The following FEM1A variants were observed in gnomAD, a reference collection of about 807,000 sequenced individuals.
FEM1A encodes fem-1 homolog A.
FEM1A carries 1 observed loss-of-function variant against 0.7 expected under a neutral mutation model. The observed-to-expected ratio is 1.35, with a 90% confidence interval of 0.48 to 6.40. The LOEUF is 6.40. Ranked by LOEUF, FEM1A falls within the 30% of genes most tolerant of loss-of-function variation. FEM1A has a pLI of 0.14. For missense variants in FEM1A, 721 were observed against 918.7 expected, an observed-to-expected ratio of 0.78 and a Z score of 2.78; for synonymous variants, 391 against 420.6, an observed-to-expected ratio of 0.93 and a Z score of 0.86.
chr19:4,794,890 C>T lies in FEM1A; in HGVS notation c.*1026C>T, dbSNP rs1319251552. On this transcript the variant is annotated 3_prime_UTR_variant, in exon 1 of 1. Coordinates refer to ENST00000269856, the MANE Select transcript of FEM1A (RefSeq NM_018708.3). ...AACTGGCACAATTGGTTTGGGTCTGCATTGCCATAGTGCCCGAGTTAAAAC... is the reference window on the plus strand; with the variant it reads ...AACTGGCACAATTGGTTTGGGTCTGTATTGCCATAGTGCCCGAGTTAAAAC... 1 of 165,762 alleles carries T rather than the reference C, an allele frequency of 6.0e-6. No individual in the cohort carries two copies. The highest frequency in any genetic ancestry group is 2.4e-5 in the African/African-American group (1 of 40,960). 10.3% of individuals were successfully genotyped at this position (165,762 alleles called of 1,614,324 possible). A position where few individuals can be genotyped will look rare whatever the true frequency, so the allele number is the denominator to read the frequency against.
At position 4,792,807 on chromosome 19, in the gene FEM1A, C is replaced by T. The variant is rs778651262; in HGVS notation, c.953C>T (p.Ala318Val). The T allele has an allele frequency of 6.2e-7, 1 of 1,612,186 alleles. No homozygotes were observed. Among genetic ancestry groups the T allele is most frequent in the South Asian group, 1.1e-5 (1 of 91,006 alleles). The change falls in exon 1 of 1, where the codon GCC (alanine) becomes GTC (valine). Residue 318 changes from alanine to valine, a missense_variant. Around this residue, in one of 4 missense-constraint regions of FEM1A, gnomAD observed 379 missense variants for 454.8 expected, o/e 0.83. Coordinates refer to ENST00000269856, the MANE Select transcript of FEM1A (RefSeq NM_018708.3). The surrounding 1 kb of genome is among the most constrained non-coding windows in gnomAD (Gnocchi z 6.7). ...YVDKKRDLLG[A>V]LKHWRRAMEL... Reference sequence around the variant, plus strand: ...GATAAGAAACGAGATCTGCTTGGGGCCCTTAAACACTGGAGGCGGGCCATG... The same window carrying T: ...GATAAGAAACGAGATCTGCTTGGGGTCCTTAAACACTGGAGGCGGGCCATG...
In FEM1A at chr19:4,797,289, G is replaced by A. The variant is rs1450942491; in HGVS notation, c.*3425G>A. 6.7e-6 allele frequency: 1 copy of A among 150,198 alleles called. No homozygotes were observed. Among genetic ancestry groups the A allele is most frequent in the Non-Finnish European group, 1.5e-5 (1 of 67,860 alleles). 9.3% of individuals were successfully genotyped at this position (150,198 alleles called of 1,614,324 possible). A position where few individuals can be genotyped will look rare whatever the true frequency, so the allele number is the denominator to read the frequency against. On this transcript the variant is annotated 3_prime_UTR_variant, in exon 1 of 1. Coordinates refer to ENST00000269856, the MANE Select transcript of FEM1A (RefSeq NM_018708.3). ...CCATTCTCCTGCCTCAGCCTCCCGA[G>A]TAGCTGGGACTACAGGCACCTGCCA...
In FEM1A at chr19:4,793,082, A is replaced by G. The variant is rs2093556598; in HGVS notation, c.1228A>G (p.Ile410Val). 6.2e-7 allele frequency: 1 copy of G among 1,613,616 alleles called. No homozygotes were observed. Residue 410 changes from isoleucine (I) to valine (V), a missense_variant, in exon 1 of 1, where the codon ATC (isoleucine) becomes GTC (valine). Transcript: ENST00000269856. The surrounding 1 kb of genome is among the most constrained non-coding windows in gnomAD (Gnocchi z 5.1). ...YADSGNFERC[I>V]RLWKYALDMQ... ...CGACTCGGGCAATTTCGAGCGCTGC[A>G]TCCGCTTGTGGAAGTACGCCCTGGA...
Position 4,793,895 on chromosome 19 carries a change from C to G in FEM1A, c.*31C>G, listed in dbSNP as rs182117088. 60 of 1,566,212 alleles carry G rather than the reference C, an allele frequency of 3.8e-5. No individual in the cohort carries two copies. The highest frequency in any genetic ancestry group is 1.7e-5 in the Non-Finnish European group (20 of 1,155,970). On this transcript the variant is annotated 3_prime_UTR_variant, in exon 1 of 1. Coordinates refer to ENST00000269856, the MANE Select transcript of FEM1A (RefSeq NM_018708.3). This position sits in a 1 kb window ranked among gnomAD's most constrained non-coding sequence, Gnocchi z 5.1. ...CCAGAACGCCTGCACCCTCACCTCT[C>G]CCCTCTCCTGCTGAGATGGGGGAAA...
rs565007489 is a variant in FEM1A, at chr19:4,799,864, C to T, written c.*6000C>T. The T allele has an allele frequency of 7.9e-6, 1 of 127,018 alleles. No individual in the cohort carries two copies. Among genetic ancestry groups the T allele is most frequent in the East Asian group, 2.3e-4 (1 of 4,306 alleles). The allele number at this position is 127,018 out of a possible 1,614,324, so 7.9% of individuals were successfully genotyped here. A position where few individuals can be genotyped will look rare whatever the true frequency, so the allele number is the denominator to read the frequency against. ...GAGTTACAGTGAGCCGAGATCGCGC[C>T]ACTGCACTCCAGCCTGGGTGACATA... On this transcript the variant is annotated 3_prime_UTR_variant, in exon 1 of 1. Coordinates refer to ENST00000269856, the MANE Select transcript of FEM1A (RefSeq NM_018708.3).
In FEM1A at chr19:4,793,468, T is replaced by C. The variant is rs1600034987; in HGVS notation, c.1614T>C (p.Pro538=). 3 of 1,612,506 alleles carry C rather than the reference T, an allele frequency of 1.9e-6. No individual in the cohort carries two copies. In the East Asian group the frequency reaches 6.7e-5, roughly 36 times the overall value. The change falls in exon 1 of 1, where the codon CCT becomes CCC. Residue 538 remains proline (P), a synonymous_variant. Coordinates refer to ENST00000269856, the MANE Select transcript of FEM1A (RefSeq NM_018708.3). This position sits in a 1 kb window ranked among gnomAD's most constrained non-coding sequence, Gnocchi z 5.1. ...CCAGGGGCAAGAACGGCTTCACCCC[T>C]CTGCACATGGCTGTGGACAAGGACA... The part of the protein sequence containing the change: ...CAPRGKNGFT[P]LHMAVDKDTT...
Position 4,792,598 on chromosome 19 carries a change from G to A in FEM1A, c.744G>A (p.Glu248=). ...GCCAGGAGCAGGTCGCAGGGGGAGAGGCTCAGCCTGGGCTGCCCCAAGAAG... is the reference window on the plus strand; with the variant it reads ...GCCAGGAGCAGGTCGCAGGGGGAGAAGCTCAGCCTGGGCTGCCCCAAGAAG... ...QPGQEQVAGG[E]AQPGLPQEDP... is the part of the protein sequence containing the mutation. Residue 248 remains glutamate (E), a synonymous_variant, in exon 1 of 1, where the codon GAG becomes GAA. Coordinates refer to ENST00000269856, the MANE Select transcript of FEM1A (RefSeq NM_018708.3). The surrounding 1 kb of genome is among the most constrained non-coding windows in gnomAD (Gnocchi z 6.7). 1.2e-6 allele frequency: 2 copies of A among 1,610,684 alleles called. No individual in the cohort carries two copies. The highest frequency in any genetic ancestry group is 1.1e-5 in the South Asian group (1 of 90,988).
rs4375784 is a variant in FEM1A, at chr19:4,798,092, G to A, written c.*4228G>A. 1 of 106,956 alleles carries A rather than the reference G, an allele frequency of 9.3e-6. No homozygotes were observed. Among genetic ancestry groups the A allele is most frequent in the Non-Finnish European group, 2.2e-5 (1 of 45,904 alleles). 6.6% of individuals were successfully genotyped at this position (106,956 alleles called of 1,614,324 possible). A position where few individuals can be genotyped will look rare whatever the true frequency, so the allele number is the denominator to read the frequency against. On this transcript the variant is annotated 3_prime_UTR_variant, in exon 1 of 1. Transcript: ENST00000269856. ...TACTAAAAATACAAAAATTAGCCGG[G>A]TGTGGTGGCAGGTGCCTGTAGTCCC...
chr19:4,799,494 G>C lies in FEM1A; in HGVS notation c.*5630G>C, dbSNP rs1425373736. The C allele has an allele frequency of 6.5e-6, 1 of 152,900 alleles. No individual in the cohort carries two copies. Among genetic ancestry groups the C allele is most frequent in the African/African-American group, 2.4e-5 (1 of 41,430 alleles). The allele number at this position is 152,900 out of a possible 1,614,324, so 9.5% of individuals were successfully genotyped here. A position where few individuals can be genotyped will look rare whatever the true frequency, so the allele number is the denominator to read the frequency against. On this transcript the variant is annotated 3_prime_UTR_variant, in exon 1 of 1. Coordinates refer to ENST00000269856, the MANE Select transcript of FEM1A (RefSeq NM_018708.3). ...ATACGCTCTGATTGGACCAGCCTGGGTCCCATGTTCTTCCATGACCCAATC... is the reference window on the plus strand; with the variant it reads ...ATACGCTCTGATTGGACCAGCCTGGCTCCCATGTTCTTCCATGACCCAATC...
In FEM1A at chr19:4,793,540, CG is replaced by C; in HGVS notation, c.1687del (p.Val563TrpfsTer25). 6.2e-7 allele frequency: 1 copy of C among 1,613,116 alleles called. No individual in the cohort carries two copies. The highest frequency in any genetic ancestry group is 8.5e-7 in the Non-Finnish European group (1 of 1,179,852). On this transcript the variant is annotated frameshift_variant, in exon 1 of 1. Coordinates refer to ENST00000269856, the MANE Select transcript of FEM1A (RefSeq NM_018708.3). LOFTEE classifies it low-confidence loss of function (END_TRUNC). The surrounding 1 kb of genome is among the most constrained non-coding windows in gnomAD (Gnocchi z 5.1). ...CCGTGGGCAGATTCCCCTCCCTGCACGTGGTCAAAGTGCTGCTCGACTGCGG... is the reference window on the plus strand; with the variant it reads ...CCGTGGGCAGATTCCCCTCCCTGCACTGGTCAAAGTGCTGCTCGACTGCGG... ...YPVGRFPSLHVVKVLLDCGAD... is the reference protein window; with the variant it reads ...YPVGRFPSLHXVKVLLDCGAD...
rs778000291 is a variant in FEM1A, at chr19:4,793,425, G to A, written c.1571G>A (p.Arg524His). ...CACCTGAAGCACCAGACCGTCTACC[G>A]CCTGCTCAAGTGCGCGCCCAGGGGC... ...QEHLKHQTVY[R>H]LLKCAPRGKN... Residue 524 changes from arginine to histidine, a missense_variant, in exon 1 of 1, where the codon CGC (arginine) becomes CAC (histidine). Physicochemically the swap from Arg to His is conservative, Grantham distance 29. Around this residue, in one of 4 missense-constraint regions of FEM1A, gnomAD observed 379 missense variants for 454.8 expected, o/e 0.83. Transcript: ENST00000269856. This position sits in a 1 kb window ranked among gnomAD's most constrained non-coding sequence, Gnocchi z 5.1. 1.8e-5 allele frequency: 29 copies of A among 1,612,164 alleles called. No homozygotes were observed. The South Asian group carries it at 1.9e-4, about 10-fold the overall frequency.
chr19:4,792,609 G>A lies in FEM1A; in HGVS notation c.755G>A (p.Gly252Glu), dbSNP rs1441511554. 1 of 1,611,270 alleles carries A rather than the reference G, an allele frequency of 6.2e-7. No individual in the cohort carries two copies. The highest frequency in any genetic ancestry group is 2.2e-5 in the East Asian group (1 of 44,882). Reference sequence around the variant, plus strand: ...GTCGCAGGGGGAGAGGCTCAGCCTGGGCTGCCCCAAGAAGACCCCTCCACC... The same window carrying A: ...GTCGCAGGGGGAGAGGCTCAGCCTGAGCTGCCCCAAGAAGACCCCTCCACC... ...EQVAGGEAQP[G>E]LPQEDPSTSQ... The change falls in exon 1 of 1, where the codon GGG becomes GAG. Residue 252 changes from glycine to glutamate, a missense_variant. Gly to Glu is a moderately conservative substitution (Grantham distance 98). Transcript: ENST00000269856. The surrounding 1 kb of genome is among the most constrained non-coding windows in gnomAD (Gnocchi z 6.7).
In FEM1A at chr19:4,792,004, C is replaced by T. The variant is rs752584330; in HGVS notation, c.150C>T (p.Arg50=). 76 of 1,535,568 alleles carry T rather than the reference C, an allele frequency of 4.9e-5. 1 individual carries two copies. In the South Asian group the frequency reaches 8.2e-4, roughly 17 times the overall value. Residue 50 remains arginine, a synonymous_variant, in exon 1 of 1, where the codon CGC becomes CGT. Coordinates refer to ENST00000269856, the MANE Select transcript of FEM1A (RefSeq NM_018708.3). The surrounding 1 kb of genome is among the most constrained non-coding windows in gnomAD (Gnocchi z 6.7). ...GGGTPLLIAA[R]YGHLDVVEYL... ...GAACGCCGCTACTCATCGCCGCCCGCTACGGCCACCTGGACGTGGTGGAGT... is the reference window on the plus strand; with the variant it reads ...GAACGCCGCTACTCATCGCCGCCCGTTACGGCCACCTGGACGTGGTGGAGT...
chr19:4,799,694 C>A lies in FEM1A; in HGVS notation c.*5830C>A, dbSNP rs2093565888. The A allele has an allele frequency of 6.6e-6, 1 of 151,744 alleles. No individual in the cohort carries two copies. Among genetic ancestry groups the A allele is most frequent in the South Asian group, 2.1e-4 (1 of 4,818 alleles). 9.4% of individuals were successfully genotyped at this position (151,744 alleles called of 1,614,324 possible). On this transcript the variant is annotated 3_prime_UTR_variant, in exon 1 of 1. Transcript: ENST00000269856. ...GGCCGAGGCGGGCGGATCACGAGGT[C>A]AGGAGATCAAGACCATCCTGGCTAA...
chr19:4,793,621 C>T lies in FEM1A; in HGVS notation c.1767C>T (p.Ala589=). 6.2e-7 allele frequency: 1 copy of T among 1,612,790 alleles called. No homozygotes were observed. Among genetic ancestry groups the T allele is most frequent in the Non-Finnish European group, 8.5e-7 (1 of 1,179,844 alleles). Residue 589 remains alanine, a synonymous_variant, in exon 1 of 1, where the codon GCC becomes GCT. Transcript: ENST00000269856. The surrounding 1 kb of genome is among the most constrained non-coding windows in gnomAD (Gnocchi z 5.1). ...FDNNTPLHIA[A]QNNCPAIMNA... Reference sequence around the variant, plus strand: ...ACAACACCCCGCTACACATAGCAGCCCAGAACAACTGCCCGGCCATCATGA... The same window carrying T: ...ACAACACCCCGCTACACATAGCAGCTCAGAACAACTGCCCGGCCATCATGA...
At position 4,799,788 on chromosome 19, in the gene FEM1A, C is replaced by T. The variant is rs1329643953; in HGVS notation, c.*5924C>T. ...GGGCGTCGTGGCAGGCGCCTGTAGTCCCAGTTACTCGGGAGGCTGAGGCAG... is the reference window on the plus strand; with the variant it reads ...GGGCGTCGTGGCAGGCGCCTGTAGTTCCAGTTACTCGGGAGGCTGAGGCAG... On this transcript the variant is annotated 3_prime_UTR_variant, in exon 1 of 1. Transcript: ENST00000269856. The T allele has an allele frequency of 6.6e-6, 1 of 151,566 alleles. No homozygotes were observed. Among genetic ancestry groups the T allele is most frequent in the Non-Finnish European group, 1.5e-5 (1 of 68,022 alleles). The allele number at this position is 151,566 out of a possible 1,614,324, so 9.4% of individuals were successfully genotyped here.
At position 4,792,126 on chromosome 19, in the gene FEM1A, C is replaced by G; in HGVS notation, c.272C>G (p.Ser91Cys). 1.3e-6 allele frequency: 2 copies of G among 1,520,470 alleles called. No homozygotes were observed. The highest frequency in any genetic ancestry group is 2.4e-5 in the South Asian group (2 of 83,102). The allele number at this position is 1,520,470 out of a possible 1,614,324, so 94.2% of individuals were successfully genotyped here. A position where few individuals can be genotyped will look rare whatever the true frequency, so the allele number is the denominator to read the frequency against. The change falls in exon 1 of 1, where the codon TCC becomes TGC. Residue 91 changes from serine (S) to cysteine (C), a missense_variant. Ser to Cys is a moderately radical substitution (Grantham distance 112). Transcript: ENST00000269856. The surrounding 1 kb of genome is among the most constrained non-coding windows in gnomAD (Gnocchi z 6.7). ...GGCGCGCCGCCGCTGTGGGCCGCCT[C>G]CGCAGCCGGCCACCTGGACGTGGTG... ...IEGAPPLWAA[S>C]AAGHLDVVRS... is the part of the protein sequence containing the mutation.
chr19:4,792,427 C>T lies in FEM1A; in HGVS notation c.573C>T (p.Ala191=). ...GCAACACGGCCCTGCATGACTGCGC[C>T]GAGTCCGGCAGCCTGGAGATCCTGC... is the stretch of plus-strand genomic sequence containing the variant. ...AKGNTALHDC[A]ESGSLEILQL... is the part of the protein sequence containing the mutation. The change falls in exon 1 of 1, where the codon GCC becomes GCT. Residue 191 remains alanine (A), a synonymous_variant. Coordinates refer to ENST00000269856, the MANE Select transcript of FEM1A (RefSeq NM_018708.3). This position sits in a 1 kb window ranked among gnomAD's most constrained non-coding sequence, Gnocchi z 6.7. The T allele has an allele frequency of 6.3e-7, 1 of 1,596,024 alleles. No individual in the cohort carries two copies.
rs753923323 is a variant in FEM1A, at chr19:4,792,627, C to G, written c.773C>G (p.Pro258Arg). 3.1e-6 allele frequency: 5 copies of G among 1,611,856 alleles called. No homozygotes were observed. In the South Asian group the frequency reaches 5.5e-5, roughly 18 times the overall value. Residue 258 changes from proline to arginine, a missense_variant, in exon 1 of 1, where the codon CCC (proline) becomes CGC (arginine). By Grantham distance (103) the Pro-to-Arg change is moderately radical. This residue lies in a region of FEM1A where 137 missense variants were observed against 121.7 expected (regional missense o/e 1.13). Coordinates refer to ENST00000269856, the MANE Select transcript of FEM1A (RefSeq NM_018708.3). The surrounding 1 kb of genome is among the most constrained non-coding windows in gnomAD (Gnocchi z 6.7). ...CAGCCTGGGCTGCCCCAAGAAGACCCCTCCACCAGCCAGGGGTGTGCGCAG... is the reference window on the plus strand; with the variant it reads ...CAGCCTGGGCTGCCCCAAGAAGACCGCTCCACCAGCCAGGGGTGTGCGCAG... ...EAQPGLPQED[P>R]STSQGCAQPQ...
Sources: gnomAD v4.1 joint callset for allele counts on GRCh38, gnomAD v4.1.1 for gene constraint, gnomAD v4.1.1 regional missense constraint, Gnocchi (gnomAD v3.1) non-coding constraint, MANE v1.5 for transcripts, NCBI Gene and HGNC (gene_info 2026-07-23, HGNC 2026-07-21) for gene names.